Variants in ALDH1A2 observed in about 807,000 individuals in gnomAD.
ALDH1A2 encodes the protein retinal dehydrogenase 2.
A neutral mutation model predicts 60.3 loss-of-function variants in ALDH1A2; 27 were observed. The ratio of observed to expected loss-of-function variants is 0.45; its 90% CI spans 0.33 to 0.62. The LOEUF (loss-of-function observed/expected upper bound fraction) is 0.62. Among genes scored for constraint, ALDH1A2 ranks in the 20% least tolerant of loss-of-function variants. The probability of loss-of-function intolerance (pLI) is 0.02; values close to 1 mark genes in which losing one functional copy is unlikely to be tolerated. For missense variants in ALDH1A2, 581 were observed against 643.8 expected (o/e 0.90, Z 1.06); for synonymous variants, 289 against 232.4 (o/e 1.24, Z -2.21).
chr15:58,032,858 G>T (rs779724174), intron 1 of ALDH1A2, among the ~76,000 whole-genome samples: 1 of 151,738 alleles, frequency 6.6e-6, no homozygotes, highest in African/African-American at 2.4e-5. Flanking sequence ...GAAAAGAAAT[G>T]AATCATGTCA....
At chr15:58,026,943 G>C (rs890525882) in intron 1 of ALDH1A2, among the ~76,000 whole-genome samples, 1 of 152,210 alleles carries the variant, frequency 6.6e-6, no homozygotes, top group East Asian at 1.9e-4. Context: ...TGTGGGCAGG[G>C]CATAGCTGAA....
intron 1 of ALDH1A2, among the ~76,000 whole-genome samples, chr15:58,026,073 C>T (rs1450778877): frequency 6.6e-6 from 1 of 152,164 alleles, no homozygotes; most frequent in African/African-American, 2.4e-5. Context: ...CTAAATCATT[C>T]TATAAGGCTA....
chr15:58,037,738 G>A (rs903831210), intron 1 of ALDH1A2, among the ~76,000 whole-genome samples: 1 of 151,538 alleles, frequency 6.6e-6, no homozygotes, highest in African/African-American at 2.4e-5. Flanking sequence ...AATTCCTTGG[G>A]TAGCATCATC....
chr15:58,025,846 G>C (rs1036525979), intron 1 of ALDH1A2, among the ~76,000 whole-genome samples: 2 of 152,188 alleles, frequency 1.3e-5, no homozygotes, highest in Admixed American at 6.5e-5. Flanking sequence ...AGAGAGAAAA[G>C]AGGAAATGCC....
At chr15:57,993,378 T>A (rs7495614) in intron 5 of ALDH1A2, among the ~76,000 whole-genome samples, 9 of 152,210 alleles carry the variant, frequency 5.9e-5, no homozygotes, top group African/African-American at 2.2e-4. Context: ...ATGTTTTTTT[T>A]AATTAGGCTT....
chr15:57,979,492 T>C (rs1894403322), intron 7 of ALDH1A2, among the ~76,000 whole-genome samples: 1 of 151,936 alleles, frequency 6.6e-6, no homozygotes, highest in Non-Finnish European at 1.5e-5. Flanking sequence ...ATACACATAT[T>C]GGGATATGGC....
chr15:57,965,578 A>G, intron 8 of ALDH1A2, 147 bp downstream of exon 8: 1 of 729,182 alleles, frequency 1.4e-6, no homozygotes, highest in South Asian at 1.5e-5. Flanking sequence ...TTTCCCCATT[A>G]TTAAACCATT....
rs1475398203 is a variant in ALDH1A2 at position 58,009,918 on chromosome 15, A to T, written c.493+731T>A. On this transcript the variant is annotated intron_variant, in intron 4 of 12. Transcript: ENST00000249750. The stretch of plus-strand genomic sequence containing the variant: ...TCACTAGTATTCAAGCACAGATAAA[A>T]ATCTCTTCACTGACTGCTTTAGTTG... 2.0e-5 allele frequency among the ~76,000 whole-genome samples: 3 copies of T among 152,090 alleles called. No individual in the cohort carries two copies. The East Asian group carries it at 5.8e-4, about 29-fold the overall frequency.
chr15:58,014,334 G>GTTA, intron 1 of ALDH1A2, 53 bp from the exon 2 acceptor site: 1 of 1,354,284 alleles, frequency 7.4e-7, no homozygotes, highest in Non-Finnish European at 1.1e-6. Context: ...TAAGCAGCCA[G>GTTA]TCAACGGCCA....
intron 9 of ALDH1A2, among the ~76,000 whole-genome samples, chr15:57,962,981 G>A (rs943537365): frequency 6.6e-6 from 1 of 152,154 alleles, no homozygotes; most frequent in Non-Finnish European, 1.5e-5. Flanking sequence ...AGAGGAGGCT[G>A]TTCAGGAGAG....
intron 8 of ALDH1A2, among the ~76,000 whole-genome samples, chr15:57,965,238 T>G (rs536125732): frequency 8.3e-4 from 126 of 152,320 alleles, no homozygotes; most frequent in Non-Finnish European, 1.4e-3. Context: ...GCTGTCATCC[T>G]AACTGAAAGT....
At chr15:58,049,108 A>G (rs1397717192) in intron 1 of ALDH1A2, among the ~76,000 whole-genome samples, 1 of 152,074 alleles carries the variant, frequency 6.6e-6, no homozygotes, top group East Asian at 1.9e-4. Flanking sequence ...CACTCAGCGT[A>G]TTTTACAATT....
chr15:58,053,929 T>C (rs568139815), intron 1 of ALDH1A2, among the ~76,000 whole-genome samples: 2 of 152,266 alleles, frequency 1.3e-5, no homozygotes, highest in African/African-American at 4.8e-5. Flanking sequence ...TACCCATTTG[T>C]GAAGGTTAAT....
chr15:58,035,821 A>C (rs1186511149), intron 1 of ALDH1A2, among the ~76,000 whole-genome samples: 2 of 151,674 alleles, frequency 1.3e-5, no homozygotes, highest in African/African-American at 4.8e-5. Flanking sequence ...TTTATACCCC[A>C]GAATGTGGTC....
chr15:57,967,211 CTGTT>C lies in ALDH1A2; in HGVS notation c.799-1388_799-1385del, dbSNP rs570478316. On this transcript the variant is annotated intron_variant, in intron 7 of 12. Coordinates refer to ENST00000249750, the MANE Select transcript of ALDH1A2 (RefSeq NM_003888.4). ...TTTAACCAGTTCTGTCACTTCGTAACTGTTTGAGCCTAGGAAATTTATTTACTAT... is the reference window on the plus strand; with the variant it reads ...TTTAACCAGTTCTGTCACTTCGTAACTGAGCCTAGGAAATTTATTTACTAT... Among the ~76,000 whole-genome samples the C allele has an allele frequency of 5.4e-5, 8 of 149,472 alleles. 1 individual carries two copies. In the South Asian group the frequency reaches 1.7e-3, roughly 32 times the overall value.
chr15:58,028,822 T>C (rs1015629659), intron 1 of ALDH1A2, among the ~76,000 whole-genome samples: 2 of 151,996 alleles, frequency 1.3e-5, no homozygotes, highest in African/African-American at 4.8e-5. Flanking sequence ...CATAATGGTA[T>C]AGGGATCAAT....
At chr15:58,063,252 T>A (rs1361291639) in intron 1 of ALDH1A2, among the ~76,000 whole-genome samples, 1 of 152,216 alleles carries the variant, frequency 6.6e-6, no homozygotes, top group Non-Finnish European at 1.5e-5. Flanking sequence ...ACATATTGTC[T>A]TACAGTATCA....
At chr15:57,963,516 T>C (rs1239343323) in intron 9 of ALDH1A2, among the ~76,000 whole-genome samples, 3 of 151,880 alleles carry the variant, frequency 2.0e-5, no homozygotes, top group African/African-American at 7.3e-5. Context: ...ATTTTTTTTT[T>C]GTATTTTTAG....
chr15:58,012,496 C>T (rs1017627975), intron 3 of ALDH1A2, among the ~76,000 whole-genome samples: 3 of 152,102 alleles, frequency 2.0e-5, no homozygotes, highest in African/African-American at 7.2e-5. Flanking sequence ...CTCAAATAAG[C>T]TTGAGAAGCA....
Sources: gnomAD v4.1 joint callset for allele counts (sites outside exome capture counted in the v4.1 genomes callset) on GRCh38, gnomAD v4.1.1 for gene constraint, MANE v1.5 for transcripts, NCBI Gene and HGNC (gene_info 2026-07-23, HGNC 2026-07-21) for gene names.